The following MAPK10 variants were observed in gnomAD, a reference collection of about 807,000 sequenced individuals.
MAPK10 encodes JNK3 alpha protein kinase.
MAPK10 carries 25 observed loss-of-function variants against 59.3 expected under a neutral mutation model. The ratio of observed to expected loss-of-function variants is 0.42; its 90% CI spans 0.31 to 0.59. The LOEUF (loss-of-function observed/expected upper bound fraction) is 0.59. Among genes scored for constraint, MAPK10 ranks in the 20% least tolerant of loss-of-function variants. The pLI is 0.15. For missense variants in MAPK10, 351 were observed against 568.9 expected (o/e 0.62, Z 3.90); for synonymous variants, 190 against 200.5 (o/e 0.95, Z 0.44).
chr4:86,197,128 T>A (rs2081502029), intron 2 of MAPK10, among the ~76,000 whole-genome samples: 1 of 152,204 alleles, frequency 6.6e-6, no homozygotes, highest in Non-Finnish European at 1.5e-5. Context: ...AGGATAGCAT[T>A]GATCTATAAA....
chr4:86,207,072 T>C (rs1405210555), intron 2 of MAPK10, among the ~76,000 whole-genome samples: 1 of 151,534 alleles, frequency 6.6e-6, no homozygotes, highest in Non-Finnish European at 1.5e-5. Flanking sequence ...TTGTCAATTT[T>C]GTCTTTTGTT....
chr4:86,107,890 G>C (rs1671974938), intron 4 of MAPK10, among the ~76,000 whole-genome samples: 1 of 152,070 alleles, frequency 6.6e-6, no homozygotes, highest in Non-Finnish European at 1.5e-5. Flanking sequence ...TAGAAACAGA[G>C]TCTTGCTATG....
intron 1 of MAPK10, among the ~76,000 whole-genome samples, chr4:86,486,008 T>C (rs138989207): frequency 1.3e-4 from 20 of 152,344 alleles, no homozygotes; most frequent in African/African-American, 4.6e-4. Flanking sequence ...TATTCTGTCA[T>C]GGCAGCCCAG....
At chr4:86,356,043 TCACACACACACA>T (rs34547847) in intron 1 of MAPK10, among the ~76,000 whole-genome samples, 3 of 149,220 alleles carry the variant, frequency 2.0e-5, no homozygotes, top group East Asian at 2.0e-4. Context: ...TTGTTTTTCT[TCACACACACACA>T]CACACACACA....
At chr4:86,489,465 T>C (rs1032054514) in intron 1 of MAPK10, among the ~76,000 whole-genome samples, 1 of 152,136 alleles carries the variant, frequency 6.6e-6, no homozygotes, top group Non-Finnish European at 1.5e-5. Flanking sequence ...ACTAAACTGA[T>C]AAACTAATAT....
chr4:86,278,654 A>C (rs2094677336), intron 2 of MAPK10, among the ~76,000 whole-genome samples: 1 of 152,164 alleles, frequency 6.6e-6, no homozygotes, highest in Non-Finnish European at 1.5e-5. Context: ...ATTACTAAAA[A>C]ATAAACATAT....
chr4:86,427,039 C>T (rs1186060665), intron 1 of MAPK10, among the ~76,000 whole-genome samples: 2 of 151,740 alleles, frequency 1.3e-5, no homozygotes, highest in Non-Finnish European at 2.9e-5. Context: ...GGGCAGATCA[C>T]GAGGTCAAGA....
At chr4:86,410,616 C>G (rs944226165) in intron 1 of MAPK10, among the ~76,000 whole-genome samples, 9 of 152,216 alleles carry the variant, frequency 5.9e-5, no homozygotes, top group Non-Finnish European at 1.3e-4. Flanking sequence ...CACCTTCTTC[C>G]TGGTTTAGTC....
At chr4:86,323,722 T>C (rs1389402571) in intron 2 of MAPK10, among the ~76,000 whole-genome samples, 1 of 152,198 alleles carries the variant, frequency 6.6e-6, no homozygotes, top group Non-Finnish European at 1.5e-5. Flanking sequence ...TCAAAAATTA[T>C]TTTGCTATTT....
At chr4:86,479,753 A>T (rs1472001660) in intron 1 of MAPK10, among the ~76,000 whole-genome samples, 1 of 152,004 alleles carries the variant, frequency 6.6e-6, no homozygotes, top group Non-Finnish European at 1.5e-5. Context: ...TTACTCCTTT[A>T]ATACCTGTTT....
In MAPK10 at chr4:86,014,306, GTGTGTGTGTGTGTGT is replaced by G. The variant is rs1742412234; in HGVS notation, c.*2907_*2921del. 1.5e-5 allele frequency: 1 copy of G among 67,192 alleles called. No homozygotes were observed. The highest frequency in any genetic ancestry group is 6.2e-5 in the African/African-American group (1 of 16,242). The allele number at this position is 67,192 out of a possible 1,614,324, so 4.2% of individuals were successfully genotyped here. On this transcript the variant is annotated 3_prime_UTR_variant, in exon 14 of 14. Coordinates refer to ENST00000641462, the MANE Select transcript of MAPK10 (RefSeq NM_138982.4). Reference sequence around the variant, plus strand: ...TGACTATTTAAGAAATATTTGGGGTGTGTGTGTGTGTGTGTGTGTGTGTGTGTGTGTGTGTGTGTT... The same window carrying G: ...TGACTATTTAAGAAATATTTGGGGTGGTGTGTGTGTGTGTGTGTGTGTGTT...
At chr4:86,485,931 T>C (rs959884227) in intron 1 of MAPK10, among the ~76,000 whole-genome samples, 2 of 152,226 alleles carry the variant, frequency 1.3e-5, no homozygotes, top group African/African-American at 4.8e-5. Flanking sequence ...GGCACCTTTA[T>C]TGTGAACTTC....
chr4:86,174,283 G>A (rs912513580), intron 3 of MAPK10, among the ~76,000 whole-genome samples: 9 of 152,122 alleles, frequency 5.9e-5, no homozygotes, highest in African/African-American at 9.7e-5. Context: ...GGAATACTAC[G>A]CAGTCGTAAA....
At chr4:86,363,742 CT>C (rs766314749), upstream of MAPK10, among the ~76,000 whole-genome samples, 1 of 151,944 alleles carries the variant, frequency 6.6e-6, no homozygotes, top group Non-Finnish European at 1.5e-5. Context: ...ATTTATTCCT[CT>C]TGTTTTACTA....
chr4:86,161,573 C>A (rs577715157), intron 3 of MAPK10, among the ~76,000 whole-genome samples: 3 of 110,022 alleles, frequency 2.7e-5, no homozygotes, highest in African/African-American at 8.4e-5. Flanking sequence ...ATGAATTCAT[C>A]TGTCAAGTTT....
In MAPK10 at chr4:86,107,271, C is replaced by G. The variant is rs2056717355; in HGVS notation, c.318G>C (p.Lys106Asn). ...SRPFQNQTHA[K>N]RAYRELVLMK... is the part of the protein sequence containing the mutation. ...TGAGGACCAGCTCCCGGTACGCTCT[C>G]TTGGCATGTGTTTGGTTCTGAAAGG... Residue 106 changes from lysine (K) to asparagine (N), a missense_variant, in exon 5 of 14, where the codon AAG (lysine) becomes AAC (asparagine). This residue lies in a region of MAPK10 where 51 missense variants were observed against 72.7 expected (regional missense o/e 0.70). Transcript: ENST00000641462. 1 of 1,613,382 alleles carries G rather than the reference C, an allele frequency of 6.2e-7. No homozygotes were observed. The highest frequency in any genetic ancestry group is 8.5e-7 in the Non-Finnish European group (1 of 1,179,528).
At chr4:86,044,546 T>C in intron 11 of MAPK10, 1 of 391,032 alleles carries the variant, frequency 2.6e-6, no homozygotes, top group East Asian at 3.6e-5. Context: ...TAGGTGATTT[T>C]CTCTCAATCT....
chr4:86,231,213 C>T (rs906458162), intron 2 of MAPK10, among the ~76,000 whole-genome samples: 3 of 152,138 alleles, frequency 2.0e-5, no homozygotes, highest in East Asian at 1.9e-4. Flanking sequence ...GAGCTTTTAC[C>T]AGTTGGGTAG....
chr4:86,293,253 C>T (rs935494442), intron 2 of MAPK10, among the ~76,000 whole-genome samples: 4 of 152,114 alleles, frequency 2.6e-5, no homozygotes, highest in Non-Finnish European at 5.9e-5. Flanking sequence ...TTATTAATTC[C>T]TTGTGAGTTC....
Sources: allele counts gnomAD v4.1 joint callset (sites outside exome capture counted in the v4.1 genomes callset), GRCh38; gene constraint gnomAD v4.1.1; regional missense constraint gnomAD v4.1.1; transcripts MANE v1.5; gene names NCBI Gene and HGNC (gene_info 2026-07-23, HGNC 2026-07-21).